The following GRIK4 variants were observed in gnomAD, a reference collection of about 807,000 sequenced individuals.
GRIK4 encodes the protein glutamate receptor ionotropic, kainate 4.
In GRIK4, 40 loss-of-function variants were observed where a neutral mutation model predicts 104.9. The observed-to-expected ratio is 0.38, with a 90% confidence interval of 0.30 to 0.50. GRIK4 has a LOEUF of 0.50. Ranked by LOEUF, GRIK4 falls within the 20% of genes least tolerant of loss-of-function variation. The pLI is 0.93. For synonymous variants in GRIK4, 485 were observed against 524.9 expected (o/e 0.92, Z 1.04); for missense variants, 1,047 against 1,308.1 (o/e 0.80, Z 3.08).
intron 7 of GRIK4, among the ~76,000 whole-genome samples, chr11:120,834,263 G>GGTGTGTGTGTGTGTGTGT (rs141196181): frequency 2.7e-5 from 4 of 145,990 alleles, no homozygotes; most frequent in Non-Finnish European, 6.0e-5. Flanking sequence ...ACACTTTATA[G>GGTGTGTGTGTGTGTGTGT]GTGTGTGTGT....
chr11:120,787,847 C>CTTCT (rs1565352273), intron 3 of GRIK4, among the ~76,000 whole-genome samples: 12 of 55,578 alleles, frequency 2.2e-4, no homozygotes, highest in African/African-American at 6.9e-4. Context: ...TTTTTCTTTT[C>CTTCT]TTTTCTTTTT....
At chr11:120,617,724 C>T (rs368355630) in intron 1 of GRIK4, among the ~76,000 whole-genome samples, 39 of 152,254 alleles carry the variant, frequency 2.6e-4, no homozygotes, top group African/African-American at 8.7e-4. Context: ...CCTCCTGCTC[C>T]GGCTGTGTGA....
chr11:120,855,575 T>C (rs1489746453), intron 8 of GRIK4, among the ~76,000 whole-genome samples: 1 of 151,976 alleles, frequency 6.6e-6, no homozygotes, highest in African/African-American at 2.4e-5. Context: ...TTTTTTTTTT[T>C]TTTTCGAGAC....
At chr11:120,955,422 C>T (rs627532) in intron 15 of GRIK4, among the ~76,000 whole-genome samples, 83,884 of 152,130 alleles carry the variant, frequency 0.55, 23,877 homozygotes, top group Middle Eastern at 0.68. Context: ...GAGTGCAGGA[C>T]GGGAAAGAGC....
chr11:120,560,944 A>G (rs1280231404), intron 1 of GRIK4, among the ~76,000 whole-genome samples: 4 of 152,132 alleles, frequency 2.6e-5, no homozygotes, highest in Admixed American at 2.6e-4. Flanking sequence ...CCCCCCTTCC[A>G]CGCCTCTGGG....
Position 120,711,870 on chromosome 11 carries a change from C to T in GRIK4, c.82+51470C>T, listed in dbSNP as rs117259366. The stretch of plus-strand genomic sequence containing the variant: ...GAGGAGACAGGAGGTGGGTTCTGTA[C>T]GGGATGAAAAGCTTGGAAGTCCTAG... On this transcript the variant is annotated intron_variant, in intron 3 of 20. Coordinates refer to ENST00000527524, the MANE Select transcript of GRIK4 (RefSeq NM_014619.5). Among the ~76,000 whole-genome samples the T allele has an allele frequency of 6.6e-3, 1,007 of 152,276 alleles. 9 individuals are homozygous for T. Among genetic ancestry groups the T allele is most frequent in the Non-Finnish European group, 0.01 (694 of 68,022 alleles).
chr11:120,874,157 T>C lies in GRIK4; in HGVS notation c.998T>C (p.Leu333Ser). The change falls in exon 10 of 21, where the codon TTG becomes TCG. Residue 333 changes from leucine (L) to serine (S), a missense_variant. Physicochemically the swap from Leu to Ser is moderately radical, Grantham distance 145. Transcript: ENST00000527524. Reference protein sequence around the residue: ...NRSQEIGVKPLSCGSAQIWQH... With the variant: ...NRSQEIGVKPSSCGSAQIWQH... ...AGCCAAGAGATCGGCGTGAAGCCCT[T>C]GTCCTGCGGCTCGGCCCAGATCTGG... is the stretch of plus-strand genomic sequence containing the variant. 3 of 1,613,890 alleles carry C rather than the reference T, an allele frequency of 1.9e-6. No homozygotes were observed. Among genetic ancestry groups the C allele is most frequent in the Non-Finnish European group, 8.5e-7 (1 of 1,179,974 alleles).
intron 1 of GRIK4, among the ~76,000 whole-genome samples, chr11:120,627,449 G>C (rs537216051): frequency 1.3e-5 from 2 of 152,280 alleles, no homozygotes; most frequent in Non-Finnish European, 2.9e-5. Flanking sequence ...GAGTCTCTGC[G>C]TGCCTCTCTG....
At chr11:120,784,256 C>A (rs915527360) in intron 3 of GRIK4, among the ~76,000 whole-genome samples, 1 of 152,210 alleles carries the variant, frequency 6.6e-6, no homozygotes, top group Admixed American at 6.5e-5. Flanking sequence ...ATACTCCCTT[C>A]CCTGTACTGG....
intron 14 of GRIK4, among the ~76,000 whole-genome samples, chr11:120,945,419 A>G (rs1225867562): frequency 6.6e-6 from 1 of 152,216 alleles, no homozygotes; most frequent in East Asian, 1.9e-4. Flanking sequence ...TTGTCAGACC[A>G]TAGATTTTTA....
At chr11:120,601,930 C>CT (rs1351958576) in intron 1 of GRIK4, among the ~76,000 whole-genome samples, 1 of 152,070 alleles carries the variant, frequency 6.6e-6, no homozygotes, top group South Asian at 2.1e-4. Context: ...TAAGCGGCTT[C>CT]TTTTTAAATG....
intron 1 of GRIK4, among the ~76,000 whole-genome samples, chr11:120,528,537 C>T (rs1329671440): frequency 6.6e-6 from 1 of 152,174 alleles, no homozygotes; most frequent in African/African-American, 2.4e-5. Context: ...TTAGGGAACC[C>T]ATCTGTATTA....
intron 3 of GRIK4, among the ~76,000 whole-genome samples, chr11:120,769,641 C>CAGA: frequency 6.6e-6 from 1 of 152,180 alleles, no homozygotes; most frequent in Non-Finnish European, 1.5e-5. Context: ...CTAGATTTAG[C>CAGA]AGATCATAGT....
intron 9 of GRIK4, among the ~76,000 whole-genome samples, chr11:120,865,379 G>T (rs377713015): frequency 4.1e-4 from 62 of 152,282 alleles, no homozygotes; most frequent in African/African-American, 1.5e-3. Context: ...TGTAGCCCGC[G>T]GACCTGTGGG....
chr11:120,901,214 C>T (rs905958639), intron 12 of GRIK4, among the ~76,000 whole-genome samples: 1 of 152,118 alleles, frequency 6.6e-6, no homozygotes, highest in African/African-American at 2.4e-5. Flanking sequence ...CCCTGCTGCC[C>T]CTTACCTTGG....
At chr11:120,784,816 C>G (rs190279768) in intron 3 of GRIK4, among the ~76,000 whole-genome samples, 1 of 152,038 alleles carries the variant, frequency 6.6e-6, no homozygotes, top group Non-Finnish European at 1.5e-5. Context: ...CACCATCTCC[C>G]CAGTTCATCC....
At chr11:120,600,009 GC>G (rs1359915687) in intron 1 of GRIK4, among the ~76,000 whole-genome samples, 1 of 152,232 alleles carries the variant, frequency 6.6e-6, no homozygotes, top group Non-Finnish European at 1.5e-5. Context: ...CTAGCATGGG[GC>G]CTGGCGCATC....
At chr11:120,615,843 A>T (rs977179728) in intron 1 of GRIK4, among the ~76,000 whole-genome samples, 1 of 151,528 alleles carries the variant, frequency 6.6e-6, no homozygotes, top group Non-Finnish European at 1.5e-5. Context: ...AGTCTCACTC[A>T]TTGCTTATGT....
chr11:120,770,300 C>T (rs1951917986), intron 3 of GRIK4, among the ~76,000 whole-genome samples: 1 of 152,236 alleles, frequency 6.6e-6, no homozygotes, highest in Non-Finnish European at 1.5e-5. Flanking sequence ...CTCCCAGCAT[C>T]TGTTTATGCC....
Sources: gnomAD v4.1 joint callset for allele counts (sites outside exome capture counted in the v4.1 genomes callset) on GRCh38, gnomAD v4.1.1 for gene constraint, MANE v1.5 for transcripts, NCBI Gene and HGNC (gene_info 2026-07-23, HGNC 2026-07-21) for gene names.